Variants in TRDN observed in about 807,000 individuals in gnomAD.
TRDN encodes the protein triadin in skeletal muscle.
In TRDN, 161 loss-of-function variants were observed where a neutral mutation model predicts 149.7. That is an observed-to-expected ratio of 1.08 (90% confidence interval 0.95 to 1.23). The LOEUF (loss-of-function observed/expected upper bound fraction) is 1.23. Among genes scored for constraint, TRDN ranks in the 50% most tolerant of loss-of-function variants. The pLI is 0.00. For missense variants in TRDN, 896 were observed against 823.5 expected (o/e 1.09, Z -1.08); for synonymous variants, 294 against 250.5 (o/e 1.17, Z -1.64).
chr6:123,499,669 A>T (rs1453449318), intron 8 of TRDN, among the ~76,000 whole-genome samples: 1 of 131,948 alleles, frequency 7.6e-6, no homozygotes, highest in Non-Finnish European at 1.6e-5. Flanking sequence ...GTGCCACTGC[A>T]CTCCAGCCTG....
chr6:123,279,078 T>C lies in TRDN; in HGVS notation c.1515A>G (p.Lys505=), dbSNP rs1777483951. 4 of 1,607,358 alleles carry C rather than the reference T, an allele frequency of 2.5e-6. No individual in the cohort carries two copies. Among genetic ancestry groups the C allele is most frequent in the South Asian group, 2.2e-5 (2 of 89,904 alleles). The change falls in exon 25 of 41, where the codon AAA becomes AAG. Residue 505 remains lysine (K), a synonymous_variant. Coordinates refer to ENST00000334268, the MANE Select transcript of TRDN (RefSeq NM_006073.4). ...TACGTGGAGGTTTAGGCTTGACTTC[T>C]TTGCCTAGAAAAAAGTAAAAAAATT... is the stretch of plus-strand genomic sequence containing the variant. The part of the protein sequence containing the change: ...KKDEKMSKAG[K]EVKPKPPQLQ...
intron 12 of TRDN, among the ~76,000 whole-genome samples, chr6:123,432,242 T>C (rs920257244): frequency 3.9e-5 from 6 of 152,306 alleles, no homozygotes; most frequent in East Asian, 1.9e-4. Flanking sequence ...ATATATCTTT[T>C]TCTAAAATTG....
At chr6:123,322,769 C>A (rs915726390) in intron 23 of TRDN, among the ~76,000 whole-genome samples, 2 of 151,698 alleles carry the variant, frequency 1.3e-5, no homozygotes, top group African/African-American at 4.8e-5. Flanking sequence ...GCCTCCCCAG[C>A]AGCTGGGACT....
At chr6:123,352,638 T>C in intron 20 of TRDN, 52 bp from the exon 21 acceptor site, 1 of 1,563,472 alleles carries the variant, frequency 6.4e-7, no homozygotes, top group Non-Finnish European at 8.6e-7. Context: ...AAATACTGCT[T>C]CTGCTCAAAA....
intron 32 of TRDN, among the ~76,000 whole-genome samples, chr6:123,266,044 A>G (rs940273225): frequency 7.1e-6 from 1 of 140,604 alleles, no homozygotes; most frequent in East Asian, 2.0e-4. Flanking sequence ...CAGAGGGAAT[A>G]CAAATTGATA....
chr6:123,328,691 C>T (rs1779554385), intron 23 of TRDN, among the ~76,000 whole-genome samples: 1 of 152,112 alleles, frequency 6.6e-6, no homozygotes, highest in Admixed American at 6.6e-5. Flanking sequence ...TCTCCACTTT[C>T]CTGGGTCTGC....
At chr6:123,345,084 T>G (rs1780203565) in intron 21 of TRDN, among the ~76,000 whole-genome samples, 1 of 152,050 alleles carries the variant, frequency 6.6e-6, no homozygotes, top group Admixed American at 6.6e-5. Context: ...TTCATGGACT[T>G]TGTCTTTTGT....
intron 9 of TRDN, among the ~76,000 whole-genome samples, chr6:123,465,459 T>C (rs1209711230): frequency 6.6e-6 from 1 of 151,786 alleles, no homozygotes; most frequent in Admixed American, 6.6e-5. Flanking sequence ...AACAGATACA[T>C]TTTTCCCTAC....
At chr6:123,630,989 TA>T (rs1236857670) in intron 1 of TRDN, among the ~76,000 whole-genome samples, 1 of 151,966 alleles carries the variant, frequency 6.6e-6, no homozygotes, top group Non-Finnish European at 1.5e-5. Flanking sequence ...ATTTCTGACT[TA>T]AGTAAAACTC....
chr6:123,492,869 G>GC (rs1220331427), intron 9 of TRDN, among the ~76,000 whole-genome samples: 1 of 152,136 alleles, frequency 6.6e-6, no homozygotes, highest in African/African-American at 2.4e-5. Flanking sequence ...AGGAAAAAAA[G>GC]TGGAGGTTAA....
intron 38 of TRDN, among the ~76,000 whole-genome samples, chr6:123,240,246 T>G (rs1181577608): frequency 6.6e-6 from 1 of 151,886 alleles, no homozygotes; most frequent in Non-Finnish European, 1.5e-5. Context: ...AATAAAGTAT[T>G]TTTAAAGAAC....
At chr6:123,496,008 T>C (rs1778427963) in intron 9 of TRDN, among the ~76,000 whole-genome samples, 1 of 148,732 alleles carries the variant, frequency 6.7e-6, no homozygotes, top group Non-Finnish European at 1.5e-5. Context: ...TATGCTATGA[T>C]ACTATACACA....
rs558748711 is a variant in TRDN, at chr6:123,591,487, C to T, written c.23-20355G>A. 1.9e-3 allele frequency among the ~76,000 whole-genome samples: 290 copies of T among 152,310 alleles called. 1 individual carries two copies. The highest frequency in any genetic ancestry group is 3.6e-3 in the Non-Finnish European group (244 of 68,030). ...TCTCGAACTCCTGACCTCAGATGAT[C>T]CACCTGTCTCAGCCTCTCAAAGTGC... On this transcript the variant is annotated intron_variant, in intron 1 of 40. Coordinates refer to ENST00000334268, the MANE Select transcript of TRDN (RefSeq NM_006073.4).
At chr6:123,515,228 G>A (rs1161390996) in intron 6 of TRDN, among the ~76,000 whole-genome samples, 1 of 151,760 alleles carries the variant, frequency 6.6e-6, no homozygotes, top group Non-Finnish European at 1.5e-5. Context: ...GAGAAAAAAA[G>A]AGAACACAAA....
chr6:123,349,632 A>G, intron 21 of TRDN: 1 of 920,658 alleles, frequency 1.1e-6, no homozygotes, highest in Non-Finnish European at 1.3e-6. Context: ...TAAATGTAAA[A>G]TTGTTTCTGT....
intron 9 of TRDN, among the ~76,000 whole-genome samples, chr6:123,488,276 C>CA (rs1359646301): frequency 2.0e-5 from 3 of 151,814 alleles, no homozygotes; most frequent in Non-Finnish European, 2.9e-5. Flanking sequence ...GATAAGTATG[C>CA]AAAAAAATGG....
chr6:123,230,190 G>A (rs560213409), intron 38 of TRDN, among the ~76,000 whole-genome samples: 159 of 152,064 alleles, frequency 1.0e-3, no homozygotes, highest in African/African-American at 3.7e-3. Context: ...TATACACCAT[G>A]TAATACTATG....
chr6:123,468,206 T>A (rs1459452665), intron 9 of TRDN, among the ~76,000 whole-genome samples: 1 of 152,346 alleles, frequency 6.6e-6, no homozygotes, highest in South Asian at 2.1e-4. Context: ...AAGAGGCTTA[T>A]AATTTTATTA....
chr6:123,337,503 G>T, intron 22 of TRDN, 116 bp downstream of exon 22: 1 of 356,894 alleles, frequency 2.8e-6, no homozygotes, highest in Non-Finnish European at 5.0e-6. Context: ...ATATGTGTGT[G>T]ACCTCTGCAG....
Sources: gnomAD v4.1 joint callset for allele counts (sites outside exome capture counted in the v4.1 genomes callset) on GRCh38, gnomAD v4.1.1 for gene constraint, MANE v1.5 for transcripts, NCBI Gene and HGNC (gene_info 2026-07-23, HGNC 2026-07-21) for gene names.